Variants in PTCHD4 observed in about 807,000 individuals in gnomAD.
PTCHD4 encodes patched domain containing 4.
A neutral mutation model predicts 58.1 loss-of-function variants in PTCHD4; 33 were observed. The observed-to-expected ratio is 0.57, with a 90% CI of 0.43 to 0.76. The LOEUF is 0.76. Among genes scored for constraint, PTCHD4 ranks in the 30% least tolerant of loss-of-function variants. The probability of loss-of-function intolerance (pLI) is 0.00; values close to 1 mark genes in which losing one functional copy is unlikely to be tolerated. For synonymous variants in PTCHD4, 478 were observed against 409.6 expected, an observed-to-expected ratio of 1.17 and a Z score of -2.02; for missense variants, 1,058 against 1,027.1, an observed-to-expected ratio of 1.03 and a Z score of -0.41.
Position 47,860,064 on chromosome 6 carries a change from C to T in PTCHD4, c.*18239G>A, listed in dbSNP as rs536900979. 6.6e-6 allele frequency among the ~76,000 whole-genome samples: 1 copy of T among 152,148 alleles called. No homozygotes were observed. The highest frequency in any genetic ancestry group is 2.4e-5 in the African/African-American group (1 of 41,550). On this transcript the variant is annotated 3_prime_UTR_variant, in exon 5 of 5. Transcript: ENST00000339488. ...GTTTAGGCAGATAAAATGCCTTCTT[C>T]AAGGCCTATTTGAAGCTGCATTTCC...
At chr6:47,923,815 A>C (rs73739016) in intron 4 of PTCHD4, among the ~76,000 whole-genome samples, 3,246 of 152,306 alleles carry the variant, frequency 0.021, 124 homozygotes, top group African/African-American at 0.071. Flanking sequence ...TAAATAGGTT[A>C]TCTGGAGTCA....
intron 4 of PTCHD4, among the ~76,000 whole-genome samples, chr6:47,908,851 G>T (rs1261278914): frequency 1.3e-5 from 2 of 152,044 alleles, no homozygotes; most frequent in African/African-American, 2.4e-5. Flanking sequence ...TCTTCCTTGA[G>T]AGTAAATGTA....
rs1581801065 is a variant in PTCHD4, at chr6:47,869,283, A to G, written c.*9020T>C. Among the ~76,000 whole-genome samples, 2 of 151,734 alleles carry G rather than the reference A, an allele frequency of 1.3e-5. No homozygotes were observed. The highest frequency in any genetic ancestry group is 2.9e-5 in the Non-Finnish European group (2 of 67,808). ...GCTTGAAACTGTATAGCGTGCAGCC[A>G]AAGGGATGTGCTTTGTGATTAATCT... is the stretch of plus-strand genomic sequence containing the variant. On this transcript the variant is annotated 3_prime_UTR_variant, in exon 5 of 5. Coordinates refer to ENST00000339488, the MANE Select transcript of PTCHD4 (RefSeq NM_001384253.1).
intron 1 of PTCHD4, among the ~76,000 whole-genome samples, chr6:48,079,846 A>G (rs569639737): frequency 1.3e-5 from 2 of 151,868 alleles, no homozygotes; most frequent in Non-Finnish European, 2.9e-5. Context: ...TTTCTGAATA[A>G]CTTCCCATTC....
At chr6:48,025,566 TA>T (rs1763217131) in intron 3 of PTCHD4, among the ~76,000 whole-genome samples, 1 of 152,188 alleles carries the variant, frequency 6.6e-6, no homozygotes, top group Non-Finnish European at 1.5e-5. Flanking sequence ...AGAGATTATA[TA>T]AAGAAAACAA....
intron 4 of PTCHD4, among the ~76,000 whole-genome samples, chr6:47,944,598 C>T (rs1305386771): frequency 1.3e-5 from 2 of 152,030 alleles, no homozygotes; most frequent in Non-Finnish European, 2.9e-5. Flanking sequence ...TAGAAAACCT[C>T]CATTTAAATA....
At position 47,867,192 on chromosome 6, in the gene PTCHD4, G is replaced by T. The variant is rs1310940237; in HGVS notation, c.*11111C>A. On this transcript the variant is annotated 3_prime_UTR_variant, in exon 5 of 5. Transcript: ENST00000339488. ...TGTATTAGTTTGAGCTGTTTGTTCT[G>T]GAGAGTTTGGGTTCCCAGCAATCCA... 2.0e-5 allele frequency among the ~76,000 whole-genome samples: 3 copies of T among 151,646 alleles called. No homozygotes were observed. The highest frequency in any genetic ancestry group is 2.0e-4 in the Admixed American group (3 of 15,178).
rs759093107 is a variant in PTCHD4 at position 47,879,622 on chromosome 6, T to G, written c.1213A>C (p.Lys405Gln). Residue 405 changes from lysine (K) to glutamine (Q), a missense_variant, in exon 5 of 5, where the codon AAG becomes CAG. Lys to Gln is a moderately conservative substitution (Grantham distance 53, BLOSUM62 1). Transcript: ENST00000339488. ...QNRYHSIFCC[K>Q]IPSAEYLDRK... is the part of the protein sequence containing the mutation. ...TCCAGGTATTCTGCAGAAGGGATCT[T>G]ACAGCAAAAGATGCTGTGGTAGCGG... 3 of 1,613,600 alleles carry G rather than the reference T, an allele frequency of 1.9e-6. No individual in the cohort carries two copies. The African/African-American group carries it at 4.0e-5, about 22-fold the overall frequency.
Position 48,068,250 on chromosome 6 carries a change from G to C in PTCHD4, c.397C>G (p.Arg133Gly), listed in dbSNP as rs771922534. The C allele has an allele frequency of 6.3e-7, 1 of 1,579,914 alleles. No individual in the cohort carries two copies. Among genetic ancestry groups the C allele is most frequent in the Non-Finnish European group, 8.6e-7 (1 of 1,159,714 alleles). ...TTCACCTTCATTTCCAGCACGGCTC[G>C]GTGGGTCTGCAGGATCCCCTCAGCC... Reference protein sequence around the residue: ...LQAEGILQTHRAVLEMKDGRN... With the variant: ...LQAEGILQTHGAVLEMKDGRN... Residue 133 changes from arginine (R) to glycine (G), a missense_variant, in exon 3 of 5, where the codon CGA becomes GGA. Physicochemically the swap from Arg to Gly is moderately radical, Grantham distance 125 (BLOSUM62 -2). Transcript: ENST00000339488. This position sits in a 1 kb window ranked among gnomAD's most constrained non-coding sequence, Gnocchi z 4.2.
chr6:48,087,599 G>A (rs1765287830), intron 1 of PTCHD4, among the ~76,000 whole-genome samples: 1 of 152,100 alleles, frequency 6.6e-6, no homozygotes, highest in South Asian at 2.1e-4. Context: ...AGGGTTCTAG[G>A]TAAACTAATT....
chr6:48,104,324 A>C lies in PTCHD4; in HGVS notation c.-970+6725T>G, dbSNP rs550876379. Among the ~76,000 whole-genome samples, 4 of 152,358 alleles carry C rather than the reference A, an allele frequency of 2.6e-5. No homozygotes were observed. The South Asian group carries it at 8.3e-4, about 32-fold the overall frequency. On this transcript the variant is annotated intron_variant, in intron 1 of 4. Coordinates refer to ENST00000339488, the MANE Select transcript of PTCHD4 (RefSeq NM_001384253.1). ...ACATTCTTAAAGAAAAGAATTTTCAAGCTAGAATTTCATTTCCAGCCAAAC... is the reference window on the plus strand; with the variant it reads ...ACATTCTTAAAGAAAAGAATTTTCACGCTAGAATTTCATTTCCAGCCAAAC...
At chr6:48,024,470 G>A (rs1282490272) in intron 3 of PTCHD4, among the ~76,000 whole-genome samples, 1 of 152,120 alleles carries the variant, frequency 6.6e-6, no homozygotes, top group Non-Finnish European at 1.5e-5. Flanking sequence ...ACCTAAAAAA[G>A]TTGGTTCAAT....
chr6:47,940,950 T>A (rs1356980295), intron 4 of PTCHD4, among the ~76,000 whole-genome samples: 1 of 152,180 alleles, frequency 6.6e-6, no homozygotes, highest in Non-Finnish European at 1.5e-5. Flanking sequence ...AGATAACTAA[T>A]AAATCTTGAC....
chr6:48,074,665 GTTTGTTTTGT>G (rs534028465), intron 1 of PTCHD4, among the ~76,000 whole-genome samples: 23 of 152,266 alleles, frequency 1.5e-4, no homozygotes, highest in Admixed American at 5.9e-4. Context: ...TTTATGCAGA[GTTTGTTTTGT>G]TTTGTTTTGT....
intron 3 of PTCHD4, among the ~76,000 whole-genome samples, chr6:48,026,735 T>C (rs1246574668): frequency 6.6e-6 from 1 of 152,116 alleles, no homozygotes; most frequent in Non-Finnish European, 1.5e-5. Context: ...ATTGGATCTT[T>C]CATCCACTCA....
chr6:47,888,123 C>T (rs939773188), intron 4 of PTCHD4, among the ~76,000 whole-genome samples: 23 of 152,020 alleles, frequency 1.5e-4, no homozygotes, highest in Admixed American at 1.1e-3. Flanking sequence ...TTTGGGAGGC[C>T]GAGGCAGGTG....
At chr6:47,906,553 C>T (rs1399774028) in intron 4 of PTCHD4, among the ~76,000 whole-genome samples, 1 of 152,136 alleles carries the variant, frequency 6.6e-6, no homozygotes, top group Non-Finnish European at 1.5e-5. Flanking sequence ...CCTAGATCTT[C>T]TCATTTTCTC....
intron 1 of PTCHD4, among the ~76,000 whole-genome samples, chr6:48,084,283 GACTTTTA>G (rs1317354494): frequency 6.6e-6 from 1 of 152,052 alleles, no homozygotes; most frequent in African/African-American, 2.4e-5. Flanking sequence ...CTTGATATTT[GACTTTTA>G]ACATGTGATT....
Position 48,094,413 on chromosome 6 carries a change from G to T in PTCHD4, c.-970+16636C>A, listed in dbSNP as rs189451946. On this transcript the variant is annotated intron_variant, in intron 1 of 4. Transcript: ENST00000339488. ...TGGGTTGATAGATAAGGGGAAGAAA[G>T]AGGATACAGGGTTACATTACAGATA... 2.6e-3 allele frequency among the ~76,000 whole-genome samples: 393 copies of T among 152,314 alleles called. 1 individual carries two copies. Among genetic ancestry groups the T allele is most frequent in the Non-Finnish European group, 4.5e-3 (308 of 68,016 alleles).
Sources: allele counts gnomAD v4.1 joint callset (sites outside exome capture counted in the v4.1 genomes callset), GRCh38; gene constraint gnomAD v4.1.1; non-coding constraint Gnocchi (gnomAD v3.1); transcripts MANE v1.5; gene names NCBI Gene and HGNC (gene_info 2026-07-23, HGNC 2026-07-21).